The following LHX6 variants were observed in gnomAD, a reference collection of about 807,000 sequenced individuals.
LHX6 encodes LIM/homeobox protein Lhx6.
LHX6 carries 15 observed loss-of-function variants against 47.1 expected under a neutral mutation model. The observed-to-expected ratio is 0.32, with a 90% CI of 0.21 to 0.49. LHX6 has a LOEUF of 0.49. Among genes scored for constraint, LHX6 ranks in the 20% least tolerant of loss-of-function variants. The pLI is 0.99. For missense variants in LHX6, 404 were observed against 539.6 expected, an observed-to-expected ratio of 0.75 and a Z score of 2.49; for synonymous variants, 242 against 233.5, an observed-to-expected ratio of 1.04 and a Z score of -0.33.
Position 122,203,089 on chromosome 9 carries a change from C to T in LHX6, c.*1671G>A, listed in dbSNP as rs995137180. 5.9e-5 allele frequency: 9 copies of T among 152,658 alleles called. No individual in the cohort carries two copies. The highest frequency in any genetic ancestry group is 8.8e-5 in the Non-Finnish European group (6 of 68,058). 9.5% of individuals were successfully genotyped at this position (152,658 alleles called of 1,614,324 possible). ...GTGCTGAGCTGAGCTGTACTCACCA[C>T]GTTCTGAGTGGTGCCTGCTCTTTGC... On this transcript the variant is annotated 3_prime_UTR_variant, in exon 10 of 10. Transcript: ENST00000394319.
Position 122,217,106 on chromosome 9 carries a change from T to G in LHX6, c.644A>C (p.Asp215Ala). ...EEKVLCRIHYDTMIENLKRAA... is the reference protein window; with the variant it reads ...EEKVLCRIHYATMIENLKRAA... ...CCTCTTGAGGTTCTCAATCATGGTGTCGTAGTGGATGCGGCAGAGCACCTT... is the reference window on the plus strand; with the variant it reads ...CCTCTTGAGGTTCTCAATCATGGTGGCGTAGTGGATGCGGCAGAGCACCTT... Residue 215 changes from aspartate (D) to alanine (A), a missense_variant, in exon 5 of 10, where the codon GAC becomes GCC. Asp to Ala is a moderately radical substitution (Grantham distance 126). Transcript: ENST00000394319. The surrounding 1 kb of genome is among the most constrained non-coding windows in gnomAD (Gnocchi z 4.9). 6.2e-7 allele frequency: 1 copy of G among 1,614,084 alleles called. No individual in the cohort carries two copies. Among genetic ancestry groups the G allele is most frequent in the Non-Finnish European group, 8.5e-7 (1 of 1,179,994 alleles).
chr9:122,228,876 G>A lies in LHX6; in HGVS notation c.-136C>T. On this transcript the variant is annotated 5_prime_UTR_variant, in exon 1 of 10. Coordinates refer to ENST00000394319, the MANE Select transcript of LHX6 (RefSeq NM_014368.5). ...GCGCCGGCCCCGCCGCCCCGGGCCC[G>A]GCCTCAGCCCCCGCCCCCGGCCCGC... The A allele has an allele frequency of 2.3e-6, 1 of 441,906 alleles. No homozygotes were observed. The highest frequency in any genetic ancestry group is 3.3e-6 in the Non-Finnish European group (1 of 301,524). The allele number at this position is 441,906 out of a possible 1,614,324, so 27.4% of individuals were successfully genotyped here. A position where few individuals can be genotyped will look rare whatever the true frequency, so the allele number is the denominator to read the frequency against.
rs1831100964 is a variant in LHX6, at chr9:122,226,435, C to A, written c.402G>T (p.Arg134Ser). The A allele has an allele frequency of 6.2e-7, 1 of 1,613,646 alleles. No individual in the cohort carries two copies. Among genetic ancestry groups the A allele is most frequent in the Admixed American group, 1.7e-5 (1 of 59,968 alleles). Residue 134 changes from arginine to serine, a missense_variant, in exon 4 of 10, where the codon AGG becomes AGT. Arg to Ser is a moderately radical substitution (Grantham distance 110, BLOSUM62 -1). Transcript: ENST00000394319. This position sits in a 1 kb window ranked among gnomAD's most constrained non-coding sequence, Gnocchi z 6.5. ...TCTTGATGTAGCAGCTGTTCTGCTG[C>A]CTCAGCGACGTGCGACACACGGAGC... ...LECSVCRTSL[R>S]QQNSCYIKNK...
Position 122,227,412 on chromosome 9 carries a change from G to A in LHX6, c.153C>T (p.Ala51=). 1 of 1,528,256 alleles carries A rather than the reference G, an allele frequency of 6.5e-7. No individual in the cohort carries two copies. The highest frequency in any genetic ancestry group is 8.8e-7 in the Non-Finnish European group (1 of 1,139,128). The allele number at this position is 1,528,256 out of a possible 1,614,324, so 94.7% of individuals were successfully genotyped here. Residue 51 remains alanine (A), a synonymous_variant, in exon 2 of 10, where the codon GCC becomes GCT. Coordinates refer to ENST00000394319, the MANE Select transcript of LHX6 (RefSeq NM_014368.5). ...TRCLEGTAPP[A]MAQSDAEALA... is the part of the protein sequence containing the mutation. ...AGGCAGGGCCAAACGGACTCACCAT[G>A]GCGGGCGGCGCGGTCCCTTCAAGAC...
At chr9:122,221,165 C>G in intron 4 of LHX6, 1 of 985,420 alleles carries the variant, frequency 1.0e-6, no homozygotes, top group South Asian at 4.7e-5. Flanking sequence ...AGGTGGGGCC[C>G]TACCTATTCT....
chr9:122,228,178 G>T, intron 1 of LHX6: 1 of 1,299,682 alleles, frequency 7.7e-7, no homozygotes, highest in Non-Finnish European at 1.1e-6. Flanking sequence ...GGCGCCTTTC[G>T]AGGGCCAGTC....
At chr9:122,209,320 C>T (rs553337712) in intron 9 of LHX6, among the ~76,000 whole-genome samples, 2 of 152,212 alleles carry the variant, frequency 1.3e-5, no homozygotes, top group Non-Finnish European at 2.9e-5. Flanking sequence ...GTGATATAAG[C>T]CCTCCCTGGA....
In LHX6 at chr9:122,217,248, A is replaced by G; in HGVS notation, c.502T>C (p.Tyr168His). Residue 168 changes from tyrosine to histidine, a missense_variant, in exon 5 of 10, where the codon TAC (tyrosine) becomes CAC (histidine). Transcript: ENST00000394319. This position sits in a 1 kb window ranked among gnomAD's most constrained non-coding sequence, Gnocchi z 4.9. ...GCTCTCCGCACCCAGTCGCTGGCGT[A>G]GATCTGTCGGCCGCACCGGGCACAC... ...TKCARCGRQI[Y>H]ASDWVRRARG... The G allele has an allele frequency of 6.2e-7, 1 of 1,613,808 alleles. No homozygotes were observed. Among genetic ancestry groups the G allele is most frequent in the Non-Finnish European group, 8.5e-7 (1 of 1,179,990 alleles).
intron 9 of LHX6, 42 bp from the exon 10 acceptor site, chr9:122,204,822 GC>G: frequency 7.1e-7 from 1 of 1,417,380 alleles, no homozygotes; most frequent in Non-Finnish European, 9.6e-7. Context: ...CTGGGGGCCT[GC>G]CCCACCCTGC....
rs576248396 is a variant in LHX6 at position 122,213,295 on chromosome 9, A to G, written c.1054+311T>C. 6.6e-6 allele frequency among the ~76,000 whole-genome samples: 1 copy of G among 152,052 alleles called. No homozygotes were observed. The highest frequency in any genetic ancestry group is 1.5e-5 in the Non-Finnish European group (1 of 68,020). The stretch of plus-strand genomic sequence containing the variant: ...GCCCACCAGAACGCAGGCTCCACAG[A>G]GTAGGTACCTTGTCCAGCCTGTTCT... On this transcript the variant is annotated intron_variant, in intron 8 of 9. Coordinates refer to ENST00000394319, the MANE Select transcript of LHX6 (RefSeq NM_014368.5). This position sits in a 1 kb window ranked among gnomAD's most constrained non-coding sequence, Gnocchi z 5.5.
At chr9:122,208,804 C>T (rs1419204640) in intron 9 of LHX6, among the ~76,000 whole-genome samples, 1 of 148,874 alleles carries the variant, frequency 6.7e-6, no homozygotes, top group East Asian at 2.0e-4. Context: ...CATTGCACTC[C>T]AGCCTGGGCG....
Position 122,227,445 on chromosome 9 carries a change from G to A in LHX6, c.120C>T (p.Thr40=). ...MAQPGSGCKA[T]TRCLEGTAPP... is the part of the protein sequence containing the mutation. The stretch of plus-strand genomic sequence containing the variant: ...GCGCGGTCCCTTCAAGACAGCGGGT[G>A]GTCGCTTTGCAGCCGGACCCTGGCT... Residue 40 remains threonine (T), a synonymous_variant, in exon 2 of 10, where the codon ACC becomes ACT. Coordinates refer to ENST00000394319, the MANE Select transcript of LHX6 (RefSeq NM_014368.5). 6.5e-7 allele frequency: 1 copy of A among 1,532,682 alleles called. No individual in the cohort carries two copies. Among genetic ancestry groups the A allele is most frequent in the Admixed American group, 2.0e-5 (1 of 50,886 alleles). 94.9% of individuals were successfully genotyped at this position (1,532,682 alleles called of 1,614,324 possible).
intron 2 of LHX6, 32 bp downstream of exon 2, chr9:122,227,377 T>G (rs1225614913): frequency 1.4e-6 from 2 of 1,473,640 alleles, no homozygotes; most frequent in African/African-American, 2.9e-5. Context: ...GCTGGAGGAC[T>G]GGGCACCGCA....
chr9:122,225,742 G>C (rs1163663172), intron 4 of LHX6, among the ~76,000 whole-genome samples: 1 of 152,258 alleles, frequency 6.6e-6, no homozygotes, highest in African/African-American at 2.4e-5. Context: ...ACACTCCAGT[G>C]ACGCCGGGGA....
At chr9:122,209,780 C>T (rs548469388) in intron 8 of LHX6, 63 bp from the exon 9 acceptor site, 11 of 712,490 alleles carry the variant, frequency 1.5e-5, no homozygotes, top group Admixed American at 9.5e-5. Context: ...CCACCTGCCC[C>T]GTGCTCTCTA....
At chr9:122,221,454 G>A (rs1458731021) in intron 4 of LHX6, 3 of 985,396 alleles carry the variant, frequency 3.0e-6, no homozygotes, top group African/African-American at 1.7e-5. Context: ...GCTGGAGCCC[G>A]CGACAGAGCT....
chr9:122,226,465 G>C lies in LHX6; in HGVS notation c.372C>G (p.Leu124=), dbSNP rs769028128. 2 of 1,613,590 alleles carry C rather than the reference G, an allele frequency of 1.2e-6. No individual in the cohort carries two copies. Among genetic ancestry groups the C allele is most frequent in the Non-Finnish European group, 1.7e-6 (2 of 1,179,944 alleles). Residue 124 remains leucine (L), a synonymous_variant, in exon 4 of 10, where the codon CTC becomes CTG. Coordinates refer to ENST00000394319, the MANE Select transcript of LHX6 (RefSeq NM_014368.5). The surrounding 1 kb of genome is among the most constrained non-coding windows in gnomAD (Gnocchi z 6.5). ...VNNLIWHVRC[L]ECSVCRTSLR... is the part of the protein sequence containing the mutation. ...GCGACGTGCGACACACGGAGCACTC[G>C]AGGCACCGCACGTGCCAGATGAGGT...
At chr9:122,207,190 T>C (rs1416828900) in intron 9 of LHX6, among the ~76,000 whole-genome samples, 1 of 152,176 alleles carries the variant, frequency 6.6e-6, no homozygotes, top group Non-Finnish European at 1.5e-5. Context: ...GTTCTGCCCA[T>C]GCTCACATTG....
At chr9:122,208,340 C>T (rs967354146) in intron 9 of LHX6, among the ~76,000 whole-genome samples, 1 of 152,036 alleles carries the variant, frequency 6.6e-6, no homozygotes, top group Admixed American at 6.6e-5. Flanking sequence ...TTGCCCCCTT[C>T]CCCCTCCCCA....
Sources: allele counts gnomAD v4.1 joint callset (sites outside exome capture counted in the v4.1 genomes callset), GRCh38; gene constraint gnomAD v4.1.1; non-coding constraint Gnocchi (gnomAD v3.1); transcripts MANE v1.5; gene names NCBI Gene and HGNC (gene_info 2026-07-23, HGNC 2026-07-21).